EVI5: variants seen among roughly 807,000 people sequenced by gnomAD.
EVI5 encodes the protein ecotropic viral integration site 5 protein homolog.
EVI5 carries 73 observed loss-of-function variants against 112.0 expected under a neutral mutation model. The ratio of observed to expected loss-of-function variants is 0.65; its 90% CI spans 0.54 to 0.79. The LOEUF is 0.79. Among genes scored for constraint, EVI5 ranks in the 30% least tolerant of loss-of-function variants. The probability of loss-of-function intolerance (pLI) is 0.00; values close to 1 mark genes in which losing one functional copy is unlikely to be tolerated. For missense variants in EVI5, 900 were observed against 968.8 expected (o/e 0.93, Z 0.94); for synonymous variants, 305 against 319.9 (o/e 0.95, Z 0.50).
At chr1:92,757,086 AG>A (rs1360330536) in intron 1 of EVI5, 3 of 166,934 alleles carry the variant, frequency 1.8e-5, no homozygotes, top group Admixed American at 1.8e-4. Flanking sequence ...TACCAGCACC[AG>A]GAAGACTGAA....
chr1:92,701,650 A>C (rs1671165266), intron 5 of EVI5, among the ~76,000 whole-genome samples: 1 of 152,066 alleles, frequency 6.6e-6, no homozygotes, highest in South Asian at 2.1e-4. Context: ...ACACTCAATA[A>C]CAAAGTTATA....
At chr1:92,715,092 G>A (rs1312560157) in intron 2 of EVI5, among the ~76,000 whole-genome samples, 2 of 151,498 alleles carry the variant, frequency 1.3e-5, no homozygotes, top group African/African-American at 4.9e-5. Flanking sequence ...TGCAACCTCC[G>A]CCTCCCAGGT....
At chr1:92,563,799 A>G in intron 18 of EVI5, 62 bp from the exon 19 acceptor site, 1 of 963,480 alleles carries the variant, frequency 1.0e-6, no homozygotes, top group South Asian at 1.4e-5. Flanking sequence ...ATGTACTCAA[A>G]TAGTTCAAGG....
At chr1:92,657,394 G>A (rs370599737) in intron 13 of EVI5, among the ~76,000 whole-genome samples, 10 of 152,082 alleles carry the variant, frequency 6.6e-5, no homozygotes, top group African/African-American at 1.9e-4. Flanking sequence ...CAGGTACGTC[G>A]GCTCATGCCT....
At chr1:92,635,620 C>T (rs1031456769) in intron 14 of EVI5, among the ~76,000 whole-genome samples, 9 of 152,142 alleles carry the variant, frequency 5.9e-5, no homozygotes, top group Admixed American at 1.3e-4. Flanking sequence ...TGACCCCTTG[C>T]GCTTCGCGGC....
chr1:92,604,459 G>A (rs1196778767), intron 18 of EVI5, among the ~76,000 whole-genome samples: 1 of 152,056 alleles, frequency 6.6e-6, no homozygotes, highest in East Asian at 1.9e-4. Flanking sequence ...TCCACATCTT[G>A]TCCCACTGGA....
upstream of EVI5, among the ~76,000 whole-genome samples, chr1:92,789,609 A>C (rs1685938646): frequency 6.6e-6 from 1 of 152,090 alleles, no homozygotes; most frequent in Non-Finnish European, 1.5e-5. Context: ...GCCTTCAGAT[A>C]GTTTTATTTG....
chr1:92,520,978 T>C (rs74674516), intron 19 of EVI5, among the ~76,000 whole-genome samples: 2 of 151,852 alleles, frequency 1.3e-5, no homozygotes, highest in Non-Finnish European at 2.9e-5. Flanking sequence ...TTTTTTTTTT[T>C]TGAGACAGGG....
At chr1:92,710,341 C>T (rs1340581407) in intron 2 of EVI5, among the ~76,000 whole-genome samples, 4 of 151,830 alleles carry the variant, frequency 2.6e-5, no homozygotes, top group Admixed American at 1.3e-4. Context: ...GAGTGAGATC[C>T]TGTCTCGAAA....
In EVI5 at chr1:92,531,885, G is replaced by A. The variant is rs564862887; in HGVS notation, c.2167-17915C>T. Among the ~76,000 whole-genome samples, 8 of 152,172 alleles carry A rather than the reference G, an allele frequency of 5.3e-5. No homozygotes were observed. In the South Asian group the frequency reaches 1.7e-3, roughly 32 times the overall value. ...CTATGAAGAAACTGCAACAACTAAC[G>A]GGCAAAATAACCAGCTAGCATCATA... On this transcript the variant is annotated intron_variant, in intron 19 of 19. Transcript: ENST00000684568.
At chr1:92,541,028 C>T (rs972031745) in intron 19 of EVI5, among the ~76,000 whole-genome samples, 6 of 152,060 alleles carry the variant, frequency 3.9e-5, no homozygotes, top group Non-Finnish European at 7.4e-5. Context: ...GAGCTGAGAT[C>T]GTGCCACTGC....
At chr1:92,767,151 G>A (rs1295251745) in intron 1 of EVI5, among the ~76,000 whole-genome samples, 2 of 151,596 alleles carry the variant, frequency 1.3e-5, no homozygotes. Context: ...GTTCCACCTG[G>A]GACATGAACC....
At chr1:92,574,596 C>T (rs1333939714) in intron 18 of EVI5, among the ~76,000 whole-genome samples, 2 of 152,040 alleles carry the variant, frequency 1.3e-5, no homozygotes, top group African/African-American at 4.8e-5. Flanking sequence ...TTGAAAAACA[C>T]TGGGGAGGTA....
At chr1:92,607,536 T>C (rs1349043278) in intron 17 of EVI5, 45 bp downstream of exon 17, 3 of 1,371,304 alleles carry the variant, frequency 2.2e-6, no homozygotes, top group East Asian at 2.5e-5. Flanking sequence ...AAAAAAGGCA[T>C]TATTATATTG....
chr1:92,706,261 AATG>A (rs748620884), intron 2 of EVI5, among the ~76,000 whole-genome samples: 6 of 152,172 alleles, frequency 3.9e-5, no homozygotes, highest in Non-Finnish European at 7.4e-5. Flanking sequence ...AAAAAGAATT[AATG>A]ATGATGTTTT....
At chr1:92,571,522 T>G (rs912691669) in intron 18 of EVI5, among the ~76,000 whole-genome samples, 1 of 152,192 alleles carries the variant, frequency 6.6e-6, no homozygotes, top group Non-Finnish European at 1.5e-5. Flanking sequence ...GTTCTACATT[T>G]TATGCTCTCA....
In EVI5 at chr1:92,602,127, G is replaced by A. The variant is rs184120841; in HGVS notation, c.2070+3180C>T. 2.7e-3 allele frequency among the ~76,000 whole-genome samples: 410 copies of A among 152,044 alleles called. 3 individuals carry two copies. The highest frequency in any genetic ancestry group is 9.4e-3 in the African/African-American group (388 of 41,474). On this transcript the variant is annotated intron_variant, in intron 18 of 19. Transcript: ENST00000684568. ...ATGTGTTGTGGTTACTTTTGATCCAGATCAAAAAATGAAGTTATAATATAA... is the reference window on the plus strand; with the variant it reads ...ATGTGTTGTGGTTACTTTTGATCCAAATCAAAAAATGAAGTTATAATATAA...
chr1:92,727,653 T>C (rs59925050), intron 2 of EVI5, among the ~76,000 whole-genome samples: 13,139 of 152,146 alleles, frequency 0.086, 1,608 homozygotes, highest in African/African-American at 0.27. Flanking sequence ...ATAACCCAAT[T>C]AAAAGACAAA....
chr1:92,771,428 C>G (rs1027408555), intron 1 of EVI5, among the ~76,000 whole-genome samples: 3 of 151,978 alleles, frequency 2.0e-5, no homozygotes, highest in African/African-American at 7.2e-5. Context: ...ACAGTGTTCA[C>G]TCTATTGTCA....
Sources: gnomAD v4.1 joint callset for allele counts (sites outside exome capture counted in the v4.1 genomes callset) on GRCh38, gnomAD v4.1.1 for gene constraint, MANE v1.5 for transcripts, NCBI Gene and HGNC (gene_info 2026-07-23, HGNC 2026-07-21) for gene names.